ACYP2: variants seen among roughly 807,000 people sequenced by gnomAD.
The protein encoded by ACYP2 is acylphosphatase 2.
Under a neutral mutation model 11.2 loss-of-function variants are expected in ACYP2, and 12 were observed. That is an observed-to-expected ratio of 1.08 (90% CI 0.69 to 1.74). The LOEUF (loss-of-function observed/expected upper bound fraction) is 1.74. Among genes scored for constraint, ACYP2 ranks in the 40% most tolerant of loss-of-function variants. The pLI is 0.00. For missense variants in ACYP2, 134 were observed against 101.9 expected (o/e 1.31, Z -1.35); for synonymous variants, 43 against 32.2 (o/e 1.33, Z -1.13).
intron 6 of ACYP2, among the ~76,000 whole-genome samples, chr2:54,298,788 G>A (rs1337955207): frequency 6.6e-6 from 1 of 152,232 alleles, no homozygotes; most frequent in Non-Finnish European, 1.5e-5. Flanking sequence ...TACTCACTCT[G>A]TCGCCTAGGC....
chr2:54,072,503 C>G (rs554382187), intron 4 of ACYP2, among the ~76,000 whole-genome samples: 247 of 81,218 alleles, frequency 3.0e-3, no homozygotes, highest in Non-Finnish European at 5.6e-3. Context: ...TTCTTTCTCT[C>G]TCTCTCTCTT....
intron 6 of ACYP2, among the ~76,000 whole-genome samples, chr2:54,276,619 T>TCACACACACACACACACAAACACA (rs367645786): frequency 6.8e-4 from 100 of 146,214 alleles, no homozygotes; most frequent in African/African-American, 2.4e-3. Context: ...GATTGTTCTT[T>TCACACACACACACACACAAACACA]CACACACACA....
At chr2:54,113,994 A>G (rs1325007366) in intron 4 of ACYP2, among the ~76,000 whole-genome samples, 1 of 152,236 alleles carries the variant, frequency 6.6e-6, no homozygotes. Context: ...CCTTCACTAC[A>G]TAAATTAACT....
chr2:54,209,505 C>T (rs1685234938), intron 6 of ACYP2, among the ~76,000 whole-genome samples: 1 of 152,138 alleles, frequency 6.6e-6, no homozygotes, highest in Non-Finnish European at 1.5e-5. Context: ...AATATTAAGA[C>T]ATTGTTTGGA....
chr2:53,977,761 A>G (rs1177603379), intron 2 of ACYP2, among the ~76,000 whole-genome samples: 1 of 150,522 alleles, frequency 6.6e-6, no homozygotes, highest in Non-Finnish European at 1.5e-5. Flanking sequence ...AGCCCAAGTC[A>G]CTTGCTGTTT....
intron 6 of ACYP2, among the ~76,000 whole-genome samples, chr2:54,228,550 C>T (rs1686102086): frequency 6.6e-6 from 1 of 152,096 alleles, no homozygotes; most frequent in Admixed American, 6.5e-5. Flanking sequence ...GCCAAACCAC[C>T]TTCTATGAAT....
At chr2:54,050,258 G>T (rs751854980) in intron 2 of ACYP2, among the ~76,000 whole-genome samples, 8 of 151,902 alleles carry the variant, frequency 5.3e-5, no homozygotes, top group Non-Finnish European at 2.9e-5. Flanking sequence ...CTTTAAAGTC[G>T]CAAAGTCTTG....
At chr2:54,056,138 A>C (rs1371778579) in intron 3 of ACYP2, among the ~76,000 whole-genome samples, 1 of 152,204 alleles carries the variant, frequency 6.6e-6, no homozygotes, top group Non-Finnish European at 1.5e-5. Flanking sequence ...AGAGAAAAAG[A>C]GCTGGTTGTC....
intron 2 of ACYP2, among the ~76,000 whole-genome samples, chr2:54,039,406 C>G (rs1675103235): frequency 6.6e-6 from 1 of 152,000 alleles, no homozygotes; most frequent in Admixed American, 6.6e-5. Flanking sequence ...ATCCTCCCGC[C>G]TCAGCCTCCC....
intron 6 of ACYP2, among the ~76,000 whole-genome samples, chr2:54,224,625 G>A (rs1172130643): frequency 6.6e-6 from 1 of 152,206 alleles, no homozygotes; most frequent in African/African-American, 2.4e-5. Flanking sequence ...AGGAAGACAA[G>A]TTCTTAATCC....
intron 2 of ACYP2, among the ~76,000 whole-genome samples, chr2:54,034,564 G>C (rs148220086): frequency 6.6e-6 from 1 of 152,102 alleles, no homozygotes; most frequent in African/African-American, 2.4e-5. Context: ...CTAGGTTTGC[G>C]TAAGTGCAGT....
chr2:54,173,608 C>T (rs1321055181), intron 6 of ACYP2, among the ~76,000 whole-genome samples: 1 of 152,118 alleles, frequency 6.6e-6, no homozygotes, highest in Non-Finnish European at 1.5e-5. Flanking sequence ...TCATGAAGTC[C>T]TTGCCCATGC....
chr2:54,027,837 C>CTTTCTTT (rs772573473), intron 2 of ACYP2, among the ~76,000 whole-genome samples: 21 of 97,894 alleles, frequency 2.1e-4, no homozygotes, highest in African/African-American at 5.4e-4. Flanking sequence ...TTCTTTCTTT[C>CTTTCTTT]TTTTTTTTTT....
At chr2:54,120,656 G>C (rs1174516126) in intron 4 of ACYP2, among the ~76,000 whole-genome samples, 1 of 152,172 alleles carries the variant, frequency 6.6e-6, no homozygotes, top group Non-Finnish European at 1.5e-5. Flanking sequence ...GGCCCACTGG[G>C]CTTACTCTGC....
chr2:54,192,140 C>G (rs2103888798), intron 6 of ACYP2, among the ~76,000 whole-genome samples: 1 of 152,182 alleles, frequency 6.6e-6, no homozygotes, highest in Non-Finnish European at 1.5e-5. Context: ...AGGATACATA[C>G]ACAGAAGACG....
chr2:53,990,186 T>A (rs1672219738), intron 2 of ACYP2, among the ~76,000 whole-genome samples: 1 of 151,636 alleles, frequency 6.6e-6, no homozygotes, highest in Non-Finnish European at 1.5e-5. Context: ...ACCATGTTGG[T>A]CAGGCTGGTT....
chr2:54,037,817 G>A (rs1047203596), intron 2 of ACYP2, among the ~76,000 whole-genome samples: 2 of 152,138 alleles, frequency 1.3e-5, no homozygotes, highest in Non-Finnish European at 1.5e-5. Flanking sequence ...AAGCTAGGTG[G>A]TTATCAATGG....
intron 6 of ACYP2, among the ~76,000 whole-genome samples, chr2:54,179,678 T>C (rs1476950031): frequency 6.6e-6 from 1 of 152,192 alleles, no homozygotes; most frequent in Non-Finnish European, 1.5e-5. Flanking sequence ...GCAATGAGGA[T>C]GACCAGAGGT....
At chr2:54,147,630 T>A (rs1465691490) in intron 6 of ACYP2, among the ~76,000 whole-genome samples, 1 of 152,184 alleles carries the variant, frequency 6.6e-6, no homozygotes, top group African/African-American at 2.4e-5. Flanking sequence ...GCTCAAGTGA[T>A]CCTCTTACCT....
Sources: allele counts gnomAD v4.1 joint callset (sites outside exome capture counted in the v4.1 genomes callset), GRCh38; gene constraint gnomAD v4.1.1; transcripts MANE v1.5; gene names NCBI Gene and HGNC (gene_info 2026-07-23, HGNC 2026-07-21).